Variants in RBFOX3 observed in about 807,000 individuals in gnomAD.
The protein encoded by RBFOX3 is RNA binding fox-1 homolog 3.
A neutral mutation model predicts 48.7 loss-of-function variants in RBFOX3; 17 were observed. The ratio of observed to expected loss-of-function variants is 0.35; its 90% CI spans 0.24 to 0.52. RBFOX3 has a LOEUF of 0.52. Ranked by LOEUF, RBFOX3 falls within the 20% of genes least tolerant of loss-of-function variation. The pLI is 0.94. For synonymous variants in RBFOX3, 212 were observed against 209.5 expected, an observed-to-expected ratio of 1.01 and a Z score of -0.10; for missense variants, 382 against 497.5, an observed-to-expected ratio of 0.77 and a Z score of 2.21.
chr17:79,179,960 G>A (rs2051510104), intron 4 of RBFOX3, among the ~76,000 whole-genome samples: 1 of 152,238 alleles, frequency 6.6e-6, no homozygotes, highest in Non-Finnish European at 1.5e-5. Flanking sequence ...TCCTGGAGGT[G>A]GGCTGAGTGG....
intron 3 of RBFOX3, among the ~76,000 whole-genome samples, chr17:79,276,976 C>A (rs1387653012): frequency 1.3e-5 from 2 of 152,200 alleles, no homozygotes; most frequent in Non-Finnish European, 2.9e-5. Flanking sequence ...CAGTCAGCCA[C>A]CCCATCTGCT....
At chr17:79,613,546 G>A (rs2093982908), upstream of RBFOX3, among the ~76,000 whole-genome samples, 3 of 152,248 alleles carry the variant, frequency 2.0e-5, no homozygotes, top group African/African-American at 7.2e-5. Flanking sequence ...CACATGGGGA[G>A]GACTGGGGAG....
chr17:79,392,305 C>T lies in RBFOX3; in HGVS notation c.-174-84481G>A, dbSNP rs1429617968. Among the ~76,000 whole-genome samples, 1 of 152,170 alleles carries T rather than the reference C, an allele frequency of 6.6e-6. No homozygotes were observed. The highest frequency in any genetic ancestry group is 1.9e-4 in the East Asian group (1 of 5,194). The stretch of plus-strand genomic sequence containing the variant: ...CACACGGACCTTGCAGCCAGTTGGC[C>T]CTGAATTCCAGCCCTGCCACTTACT... On this transcript the variant is annotated intron_variant, in intron 2 of 14. Coordinates refer to ENST00000693108, the MANE Select transcript of RBFOX3 (RefSeq NM_001350451.2). This position sits in a 1 kb window ranked among gnomAD's most constrained non-coding sequence, Gnocchi z 5.0.
At chr17:79,631,147 G>A in the RBFOX3 span, among the ~76,000 whole-genome samples, 4 of 152,084 alleles carry the variant, frequency 2.6e-5, no homozygotes. Flanking sequence ...CAACCCTCTG[G>A]GGTGGGACTC....
chr17:79,338,874 C>T (rs1208992748), intron 2 of RBFOX3, among the ~76,000 whole-genome samples: 1 of 152,154 alleles, frequency 6.6e-6, no homozygotes, highest in African/African-American at 2.4e-5. Context: ...CTCTTCCTTC[C>T]CATAATCCTT....
At chr17:79,569,822 T>G (rs1383379506) in intron 1 of RBFOX3, among the ~76,000 whole-genome samples, 7 of 152,286 alleles carry the variant, frequency 4.6e-5, no homozygotes, top group African/African-American at 1.7e-4. Flanking sequence ...GAATTATGGA[T>G]GGATGGTGAA....
intron 1 of RBFOX3, among the ~76,000 whole-genome samples, chr17:79,595,269 C>G (rs2093538130): frequency 6.6e-6 from 1 of 152,194 alleles, no homozygotes. Flanking sequence ...CCCTGGAGAG[C>G]AGACTTGGGT....
At chr17:79,176,943 G>A (rs2050688576) in intron 4 of RBFOX3, among the ~76,000 whole-genome samples, 1 of 152,196 alleles carries the variant, frequency 6.6e-6, no homozygotes, top group Admixed American at 6.6e-5. Flanking sequence ...GCCAAGAGAA[G>A]AGACAGACGG....
At chr17:79,360,341 T>C (rs112435042) in intron 2 of RBFOX3, among the ~76,000 whole-genome samples, 9 of 152,290 alleles carry the variant, frequency 5.9e-5, no homozygotes, top group African/African-American at 2.2e-4. Flanking sequence ...CCAAGGAACC[T>C]GCAGGGAACC....
intron 4 of RBFOX3, among the ~76,000 whole-genome samples, chr17:79,232,030 G>A (rs535636031): frequency 7.7e-4 from 118 of 152,326 alleles, no homozygotes; most frequent in Middle Eastern, 3.4e-3. Flanking sequence ...CAGAATGAGC[G>A]CAAGCAGGGA....
intron 1 of RBFOX3, among the ~76,000 whole-genome samples, chr17:79,531,747 G>A (rs1188468515): frequency 2.6e-5 from 4 of 152,266 alleles, no homozygotes; most frequent in South Asian, 2.1e-4. Flanking sequence ...TAAGCTCCCC[G>A]GGAATCTAGA....
At chr17:79,462,285 C>A (rs1388591987) in intron 2 of RBFOX3, among the ~76,000 whole-genome samples, 1 of 152,234 alleles carries the variant, frequency 6.6e-6, no homozygotes, top group African/African-American at 2.4e-5. Context: ...TGACTCCCAG[C>A]TCTGCCACCA....
intron 2 of RBFOX3, among the ~76,000 whole-genome samples, chr17:79,341,131 G>A (rs2082018593): frequency 1.3e-5 from 2 of 152,234 alleles, no homozygotes; most frequent in African/African-American, 2.4e-5. Context: ...ACATGCACAC[G>A]GGAAGGCAGA....
intron 2 of RBFOX3, among the ~76,000 whole-genome samples, chr17:79,448,793 C>A (rs969728016): frequency 1.1e-4 from 16 of 152,196 alleles, no homozygotes; most frequent in African/African-American, 3.1e-4. Flanking sequence ...AGGAATCTGG[C>A]CTCGCAGGCT....
the RBFOX3 span, among the ~76,000 whole-genome samples, chr17:79,637,823 GAA>G: frequency 7.0e-6 from 1 of 143,116 alleles, no homozygotes; most frequent in Admixed American, 7.0e-5. Context: ...GAAGGGAAGG[GAA>G]GGGAAGGGGA....
Position 79,421,664 on chromosome 17 carries a change from G to A in RBFOX3, c.-175+60790C>T, listed in dbSNP as rs549110459. ...GGGACCCCAGGGGCACACCGAACGCGGTCACCATAGGACCAAACAAGATGA... is the reference window on the plus strand; with the variant it reads ...GGGACCCCAGGGGCACACCGAACGCAGTCACCATAGGACCAAACAAGATGA... On this transcript the variant is annotated intron_variant, in intron 2 of 14. Coordinates refer to ENST00000693108, the MANE Select transcript of RBFOX3 (RefSeq NM_001350451.2). The surrounding 1 kb of genome is among the most constrained non-coding windows in gnomAD (Gnocchi z 4.5). Among the ~76,000 whole-genome samples, 5 of 152,112 alleles carry A rather than the reference G, an allele frequency of 3.3e-5. No individual in the cohort carries two copies. Among genetic ancestry groups the A allele is most frequent in the African/African-American group, 7.2e-5 (3 of 41,430 alleles).
intron 1 of RBFOX3, among the ~76,000 whole-genome samples, chr17:79,588,427 C>T (rs1231092183): frequency 6.6e-6 from 1 of 152,122 alleles, no homozygotes; most frequent in Admixed American, 6.5e-5. Flanking sequence ...CTCCTCCTGC[C>T]ACTCCAGGAG....
intron 4 of RBFOX3, among the ~76,000 whole-genome samples, chr17:79,211,354 G>A (rs984663093): frequency 6.6e-6 from 1 of 152,224 alleles, no homozygotes; most frequent in Non-Finnish European, 1.5e-5. Flanking sequence ...CTCAGCCTCC[G>A]GAACCATGAG....
intron 2 of RBFOX3, among the ~76,000 whole-genome samples, chr17:79,399,039 C>T (rs1459642126): frequency 1.3e-5 from 2 of 152,144 alleles, no homozygotes; most frequent in African/African-American, 4.8e-5. Context: ...GGACGCATGA[C>T]GGCAGAGGCA....
Sources: allele counts gnomAD v4.1 joint callset (sites outside exome capture counted in the v4.1 genomes callset), GRCh38; gene constraint gnomAD v4.1.1; non-coding constraint Gnocchi (gnomAD v3.1); transcripts MANE v1.5; gene names NCBI Gene and HGNC (gene_info 2026-07-23, HGNC 2026-07-21).